The following XPNPEP3 variants were observed in gnomAD, a reference collection of about 807,000 sequenced individuals.
The protein encoded by XPNPEP3 is X-prolyl aminopeptidase 3, also known as xaa-Pro aminopeptidase 3.
Under a neutral mutation model 60.0 loss-of-function variants are expected in XPNPEP3, and 41 were observed. The observed-to-expected ratio is 0.68, with a 90% CI of 0.53 to 0.89. XPNPEP3 has a LOEUF of 0.89. Among genes scored for constraint, XPNPEP3 ranks in the 40% least tolerant of loss-of-function variants. The pLI, the probability that XPNPEP3 is intolerant of heterozygous loss-of-function variation, is 0.00. For missense variants in XPNPEP3, 598 were observed against 638.9 expected (o/e 0.94, Z 0.69); for synonymous variants, 212 against 223.2 (o/e 0.95, Z 0.45).
intron 4 of XPNPEP3, among the ~76,000 whole-genome samples, chr22:40,901,543 G>T (rs958246775): frequency 3.1e-4 from 47 of 151,972 alleles, no homozygotes; most frequent in Admixed American, 2.6e-3. Context: ...CCTATTTAAA[G>T]AACTCTTACA....
At chr22:40,872,835 ATGT>A (rs1467598634) in intron 2 of XPNPEP3, among the ~76,000 whole-genome samples, 1 of 152,140 alleles carries the variant, frequency 6.6e-6, no homozygotes, top group Non-Finnish European at 1.5e-5. Context: ...CAAAGGAGTA[ATGT>A]TGTCATTAGC....
intron 9 of XPNPEP3, among the ~76,000 whole-genome samples, chr22:40,925,375 C>A (rs1017931636): frequency 1.2e-4 from 18 of 152,166 alleles, no homozygotes; most frequent in African/African-American, 4.3e-4. Flanking sequence ...GTTTTGAAAA[C>A]AGATCTAAAT....
At chr22:40,869,930 T>TA (rs2057997229) in intron 2 of XPNPEP3, 1 of 421,366 alleles carries the variant, frequency 2.4e-6, no homozygotes, top group Non-Finnish European at 4.8e-6. Flanking sequence ...CATATAAGCA[T>TA]ATATATTACT....
At chr22:40,862,370 T>C (rs1032161024) in intron 1 of XPNPEP3, 2 of 1,003,364 alleles carry the variant, frequency 2.0e-6, no homozygotes, top group Non-Finnish European at 2.4e-6. Flanking sequence ...AGCCACAGCA[T>C]ATCCCTTGCA....
rs200091009 is a variant in XPNPEP3, at chr22:40,861,687, T to G, written c.64+4442T>G. 39 of 1,613,960 alleles carry G rather than the reference T, an allele frequency of 2.4e-5. No individual in the cohort carries two copies. The highest frequency in any genetic ancestry group is 3.3e-5 in the Admixed American group (2 of 59,976). On this transcript the variant is annotated intron_variant, in intron 1 of 9. Coordinates refer to ENST00000357137, the MANE Select transcript of XPNPEP3 (RefSeq NM_022098.4). ...GAAGTGAAAAGAAAATGGATCCCTT[T>G]CATGAAAAATTTCTTTAAAAACATC...
chr22:40,863,115 A>G (rs1390644556), intron 1 of XPNPEP3, among the ~76,000 whole-genome samples: 2 of 152,236 alleles, frequency 1.3e-5, no homozygotes, highest in African/African-American at 4.8e-5. Context: ...GCTGTTGGAC[A>G]TAAAGCTAGC....
chr22:40,916,865 A>C (rs952062559), intron 7 of XPNPEP3, among the ~76,000 whole-genome samples: 1 of 152,150 alleles, frequency 6.6e-6, no homozygotes, highest in Admixed American at 6.6e-5. Context: ...CAGGAGGATC[A>C]CTTGAGCTCA....
intron 2 of XPNPEP3, among the ~76,000 whole-genome samples, chr22:40,871,763 G>T (rs762796389): frequency 6.6e-6 from 1 of 151,998 alleles, no homozygotes; most frequent in African/African-American, 2.4e-5. Flanking sequence ...GGCCAGGCGC[G>T]GTGGCTCACA....
chr22:40,880,028 C>CAAAAA (rs963115248), intron 2 of XPNPEP3, among the ~76,000 whole-genome samples: 684 of 52,836 alleles, frequency 0.013, 9 homozygotes, highest in African/African-American at 0.049. Context: ...CTCTGTCTCC[C>CAAAAA]AAAAAAAAAA....
intron 7 of XPNPEP3, among the ~76,000 whole-genome samples, chr22:40,920,457 G>T (rs935777925): frequency 6.6e-6 from 1 of 152,158 alleles, no homozygotes; most frequent in Non-Finnish European, 1.5e-5. Flanking sequence ...AATCTATAGG[G>T]CAGACTTCAG....
At chr22:40,861,446 G>T (rs373488481) in intron 1 of XPNPEP3, 8 of 1,613,960 alleles carry the variant, frequency 5.0e-6, no homozygotes, top group South Asian at 3.3e-5. Flanking sequence ...CAGATATGTA[G>T]TTGTCCATCC....
chr22:40,857,311 C>G, intron 1 of XPNPEP3, 66 bp downstream of exon 1: 3 of 1,579,088 alleles, frequency 1.9e-6, no homozygotes, highest in Non-Finnish European at 2.6e-6. Flanking sequence ...TGGTCTCAGG[C>G]GATCCCTGGT....
At chr22:40,883,697 C>G (rs1569020610) in intron 3 of XPNPEP3, among the ~76,000 whole-genome samples, 1 of 152,192 alleles carries the variant, frequency 6.6e-6, no homozygotes, top group East Asian at 1.9e-4. Context: ...AAATTACTTT[C>G]TCTACAGTTA....
At position 40,900,605 on chromosome 22, in the gene XPNPEP3, C is replaced by CA. The variant is rs1048521638; in HGVS notation, c.793-6972dup. On this transcript the variant is annotated intron_variant, in intron 4 of 9. Coordinates refer to ENST00000357137, the MANE Select transcript of XPNPEP3 (RefSeq NM_022098.4). ...TGGGCAACAGAGCAAGACTCTGTCT[C>CA]AAAAAAAAAATAATTAAACTTAATT... Among the ~76,000 whole-genome samples the CA allele has an allele frequency of 6.7e-3, 985 of 148,106 alleles. 11 individuals carry two copies. Among genetic ancestry groups the CA allele is most frequent in the African/African-American group, 0.023 (939 of 40,420 alleles).
intron 1 of XPNPEP3, chr22:40,861,655 C>T (rs141900496): frequency 9.9e-6 from 16 of 1,614,000 alleles, no homozygotes; most frequent in African/African-American, 2.7e-5. Flanking sequence ...TCAAGCGAGT[C>T]TTCAAAGAAG....
chr22:40,912,107 G>A (rs2058179336), intron 6 of XPNPEP3, among the ~76,000 whole-genome samples: 1 of 152,120 alleles, frequency 6.6e-6, no homozygotes, highest in South Asian at 2.1e-4. Flanking sequence ...TGTTATTTAT[G>A]TTAACATGTA....
At position 40,930,124 on chromosome 22, in the gene XPNPEP3, GGTTT is replaced by G. The variant is rs2058249435; in HGVS notation, c.*3690_*3693del. ...TTTTTTTTTTAAAGGTTTTTTGTGG[GGTTT>G]TTTTGTTTTTTTTTTTTTTGAGATG... On this transcript the variant is annotated 3_prime_UTR_variant, in exon 10 of 10. Transcript: ENST00000357137. 6.7e-6 allele frequency: 1 copy of G among 149,964 alleles called. No individual in the cohort carries two copies. The highest frequency in any genetic ancestry group is 2.5e-5 in the African/African-American group (1 of 40,658). The allele number at this position is 149,964 out of a possible 1,614,324, so 9.3% of individuals were successfully genotyped here.
At position 40,924,413 on chromosome 22, in the gene XPNPEP3, G is replaced by A. The variant is rs1253342855; in HGVS notation, c.1288G>A (p.Val430Ile). The change falls in exon 9 of 10, where the codon GTC becomes ATC. Residue 430 changes from valine to isoleucine, a missense_variant. Coordinates refer to ENST00000357137, the MANE Select transcript of XPNPEP3 (RefSeq NM_022098.4). ...HHVGHYLGMDVHDTPDMPRSL... is the reference protein window; with the variant it reads ...HHVGHYLGMDIHDTPDMPRSL... Reference sequence around the variant, plus strand: ...TGTTGGCCACTACCTCGGGATGGATGTCCATGACACTCCAGACATGCCCCG... The same window carrying A: ...TGTTGGCCACTACCTCGGGATGGATATCCATGACACTCCAGACATGCCCCG... 3 of 1,614,152 alleles carry A rather than the reference G, an allele frequency of 1.9e-6. No homozygotes were observed. The highest frequency in any genetic ancestry group is 2.2e-5 in the South Asian group (2 of 91,084).
At chr22:40,866,341 TAGG>T (rs1167118147) in intron 1 of XPNPEP3, among the ~76,000 whole-genome samples, 1 of 151,772 alleles carries the variant, frequency 6.6e-6, no homozygotes, top group Non-Finnish European at 1.5e-5. Context: ...ATAGAAATCA[TAGG>T]AGCGTTGGGG....
Sources: gnomAD v4.1 joint callset for allele counts (sites outside exome capture counted in the v4.1 genomes callset) on GRCh38, gnomAD v4.1.1 for gene constraint, MANE v1.5 for transcripts, NCBI Gene and HGNC (gene_info 2026-07-23, HGNC 2026-07-21) for gene names.